The following CEP89 variants were observed in gnomAD, a reference collection of about 807,000 sequenced individuals.
The protein encoded by CEP89 is centrosomal protein 89.
A neutral mutation model predicts 97.6 loss-of-function variants in CEP89; 95 were observed. That is an observed-to-expected ratio of 0.97 (90% confidence interval 0.82 to 1.15). The LOEUF (loss-of-function observed/expected upper bound fraction) is 1.15, where lower values mean the gene tolerates loss of function less well. Among genes scored for constraint, CEP89 ranks in the 50% most tolerant of loss-of-function variants. The pLI is 0.00. For missense variants in CEP89, 869 were observed against 947.7 expected (o/e 0.92, Z 1.09); for synonymous variants, 354 against 349.1 (o/e 1.01, Z -0.16).
Position 32,880,466 on chromosome 19 carries a change from C to T in CEP89, c.2136-1088G>A, listed in dbSNP as rs550180024. Among the ~76,000 whole-genome samples, 18 of 152,012 alleles carry T rather than the reference C, an allele frequency of 1.2e-4. No individual in the cohort carries two copies. In the South Asian group the frequency reaches 2.9e-3, roughly 25 times the overall value. On this transcript the variant is annotated intron_variant, in intron 18 of 18. Coordinates refer to ENST00000305768, the MANE Select transcript of CEP89 (RefSeq NM_032816.5). ...GCCTGGGCAACATGTGAGACCTCAT[C>T]TCTACAAAAAACTTAAAAATTAGCT...
chr19:32,922,399 T>C (rs1970268262), intron 12 of CEP89, among the ~76,000 whole-genome samples: 1 of 151,786 alleles, frequency 6.6e-6, no homozygotes, highest in African/African-American at 2.4e-5. Context: ...AAAAAATGGC[T>C]GGGCATGGTA....
intron 14 of CEP89, among the ~76,000 whole-genome samples, chr19:32,903,042 T>G (rs540535834): frequency 6.6e-6 from 1 of 152,174 alleles, no homozygotes; most frequent in East Asian, 1.9e-4. Context: ...AAAAATCAGC[T>G]TTGAAAGAAT....
At chr19:32,958,529 A>T (rs1303946373) in intron 3 of CEP89, among the ~76,000 whole-genome samples, 8 of 151,968 alleles carry the variant, frequency 5.3e-5, no homozygotes, top group African/African-American at 1.9e-4. Context: ...AAATACAAAA[A>T]TTAGCCGGGA....
In CEP89 at chr19:32,878,973, A is replaced by T. The variant is rs1969218899; in HGVS notation, c.*189T>A. ...TGAGACCCTAGCTCTAAAAAAAAAA[A>T]AAAATTAAAAAATAAAGCAAAATGT... On this transcript the variant is annotated 3_prime_UTR_variant, in exon 19 of 19. Transcript: ENST00000305768. 2.1e-6 allele frequency: 1 copy of T among 466,640 alleles called. No individual in the cohort carries two copies. Among genetic ancestry groups the T allele is most frequent in the Non-Finnish European group, 3.7e-6 (1 of 267,556 alleles). The allele number at this position is 466,640 out of a possible 1,614,324, so 28.9% of individuals were successfully genotyped here.
intron 13 of CEP89, among the ~76,000 whole-genome samples, chr19:32,916,913 C>T (rs775257718): frequency 2.0e-5 from 3 of 152,076 alleles, no homozygotes; most frequent in Non-Finnish European, 4.4e-5. Context: ...GAGGTTGAGG[C>T]AGGAGAATCG....
At chr19:32,928,474 T>C (rs899504169) in intron 9 of CEP89, among the ~76,000 whole-genome samples, 5 of 152,086 alleles carry the variant, frequency 3.3e-5, no homozygotes, top group African/African-American at 1.2e-4. Context: ...AGGTCTGTAG[T>C]AACCTTTCCT....
At position 32,948,187 on chromosome 19, in the gene CEP89, T is replaced by A. The variant is rs1970835380; in HGVS notation, c.595+79A>T. ...CTACAGCATGAAGGGGCAATGGGTA[T>A]GTTTTCCTAAAAATAAGCAATATTC... On this transcript the variant is annotated intron_variant, in intron 5 of 18. Coordinates refer to ENST00000305768, the MANE Select transcript of CEP89 (RefSeq NM_032816.5). 11 of 741,968 alleles carry A rather than the reference T, an allele frequency of 1.5e-5. No homozygotes were observed. The East Asian group carries it at 3.0e-4, about 20-fold the overall frequency. 46.0% of individuals were successfully genotyped at this position (741,968 alleles called of 1,614,324 possible).
intron 9 of CEP89, among the ~76,000 whole-genome samples, chr19:32,930,420 C>T (rs1200966540): frequency 6.6e-6 from 1 of 151,874 alleles, no homozygotes. Flanking sequence ...AAATGGTACA[C>T]TTTTAAAATG....
chr19:32,953,605 T>C lies in CEP89; in HGVS notation c.492+10A>G, dbSNP rs80283382. 1.9e-6 allele frequency: 3 copies of C among 1,586,026 alleles called. No individual in the cohort carries two copies. Among genetic ancestry groups the C allele is most frequent in the Non-Finnish European group, 2.6e-6 (3 of 1,162,816 alleles). On this transcript the variant is annotated intron_variant, in intron 4 of 18. Transcript: ENST00000305768. ...AATGTCAAGAAGAAAACTGGGAACA[T>C]AGAAAACACCTGATTTCTGTGTGGC...
chr19:32,966,329 T>C (rs879604554), intron 2 of CEP89, 31 bp downstream of exon 2: 8 of 1,301,128 alleles, frequency 6.1e-6, no homozygotes, highest in African/African-American at 1.5e-5. Flanking sequence ...AGCACAGGGG[T>C]GACCTCAGTG....
intron 16 of CEP89, among the ~76,000 whole-genome samples, chr19:32,895,620 C>T (rs1300956088): frequency 6.6e-6 from 1 of 152,028 alleles, no homozygotes; most frequent in Non-Finnish European, 1.5e-5. Flanking sequence ...CTAGCAAGAG[C>T]AGTCAGGCAA....
chr19:32,934,555 T>A (rs1599755665), intron 7 of CEP89, among the ~76,000 whole-genome samples: 1 of 152,176 alleles, frequency 6.6e-6, no homozygotes, highest in Admixed American at 6.5e-5. Flanking sequence ...GGATGGCTGG[T>A]GGCTCCAGAG....
chr19:32,952,345 G>A (rs1970937824), intron 4 of CEP89, among the ~76,000 whole-genome samples: 1 of 151,292 alleles, frequency 6.6e-6, no homozygotes, highest in African/African-American at 2.4e-5. Context: ...GCCAGTTGTG[G>A]TGCCGCGTGC....
chr19:32,926,092 T>C, intron 11 of CEP89, 98 bp downstream of exon 11: 12 of 844,826 alleles, frequency 1.4e-5, no homozygotes, highest in Non-Finnish European at 2.4e-5. Flanking sequence ...TTATCTATAA[T>C]ATGCTGGGTA....
chr19:32,971,885 CGAG>C lies in CEP89; in HGVS notation c.-14_-12del, dbSNP rs933994895. ...AAATCCCAGGAGCATCCTTGCAGCG[CGAG>C]GAGAATGGACCGGGGCCTGGACTCA... On this transcript the variant is annotated 5_prime_UTR_variant, in exon 1 of 19. Coordinates refer to ENST00000305768, the MANE Select transcript of CEP89 (RefSeq NM_032816.5). The C allele has an allele frequency of 1.3e-6, 2 of 1,585,544 alleles. No individual in the cohort carries two copies. The highest frequency in any genetic ancestry group is 2.7e-5 in the African/African-American group (2 of 73,866).
At chr19:32,922,001 T>G (rs928678348) in intron 12 of CEP89, among the ~76,000 whole-genome samples, 4 of 152,226 alleles carry the variant, frequency 2.6e-5, no homozygotes, top group African/African-American at 9.7e-5. Context: ...AATTTTTGTT[T>G]TCTTAGTCCT....
intron 10 of CEP89, 94 bp downstream of exon 10, chr19:32,926,840 A>G (rs1970368434): frequency 9.3e-7 from 1 of 1,069,726 alleles, no homozygotes; most frequent in Admixed American, 2.0e-5. Flanking sequence ...GGGATTACAG[A>G]CATGAGCCAC....
chr19:32,923,571 A>G (rs1970296334), intron 11 of CEP89, 29 bp from the exon 12 acceptor site: 1 of 1,308,340 alleles, frequency 7.6e-7, no homozygotes, highest in Non-Finnish European at 1.1e-6. Context: ...AAATTATAAC[A>G]CACACATACC....
In CEP89 at chr19:32,915,284, C is replaced by A. The variant is rs1306035228; in HGVS notation, c.1565+53G>T. 6.2e-6 allele frequency: 9 copies of A among 1,462,824 alleles called. No homozygotes were observed. The Admixed American group carries it at 8.8e-5, about 14-fold the overall frequency. 90.6% of individuals were successfully genotyped at this position (1,462,824 alleles called of 1,614,324 possible). A position where few individuals can be genotyped will look rare whatever the true frequency, so the allele number is the denominator to read the frequency against. On this transcript the variant is annotated intron_variant, in intron 14 of 18. Coordinates refer to ENST00000305768, the MANE Select transcript of CEP89 (RefSeq NM_032816.5). The stretch of plus-strand genomic sequence containing the variant: ...GACCAGCCTGAGCAACATAGCAAGA[C>A]CCTGTCTCGAAAAAAGAAAAAAAAA...
Sources: gnomAD v4.1 joint callset for allele counts (sites outside exome capture counted in the v4.1 genomes callset) on GRCh38, gnomAD v4.1.1 for gene constraint, MANE v1.5 for transcripts, NCBI Gene and HGNC (gene_info 2026-07-23, HGNC 2026-07-21) for gene names.